LHFPL3: variants seen among roughly 807,000 people sequenced by gnomAD.
LHFPL3 encodes LHFPL tetraspan subfamily member 3 protein.
Under a neutral mutation model 19.3 loss-of-function variants are expected in LHFPL3, and 5 were observed. The observed-to-expected ratio is 0.26, with a 90% CI of 0.14 to 0.54. The LOEUF is 0.54. LHFPL3 is among the 20% of genes least tolerant of loss of function. The pLI, the probability that LHFPL3 is intolerant of heterozygous loss-of-function variation, is 0.94. For synonymous variants in LHFPL3, 133 were observed against 126.2 expected, an observed-to-expected ratio of 1.05 and a Z score of -0.36; for missense variants, 249 against 307.4, an observed-to-expected ratio of 0.81 and a Z score of 1.42.
Position 104,857,123 on chromosome 7 carries a change from T to C in LHFPL3, c.683-49064T>C, listed in dbSNP as rs148014689. 1.9e-3 allele frequency among the ~76,000 whole-genome samples: 291 copies of C among 152,328 alleles called. 1 individual carries two copies. Among genetic ancestry groups the C allele is most frequent in the Non-Finnish European group, 2.7e-3 (183 of 68,026 alleles). On this transcript the variant is annotated intron_variant, in intron 2 of 2. Transcript: ENST00000424859. Reference sequence around the variant, plus strand: ...ATTGTTCCCATTTCATAGACGTTCATTGTACACATGAGGACACCATAGCTC... The same window carrying C: ...ATTGTTCCCATTTCATAGACGTTCACTGTACACATGAGGACACCATAGCTC...
At chr7:104,804,754 A>C (rs976679120) in intron 2 of LHFPL3, among the ~76,000 whole-genome samples, 1 of 152,174 alleles carries the variant, frequency 6.6e-6, no homozygotes, top group Non-Finnish European at 1.5e-5. Context: ...TAACTACTAC[A>C]TGAAAATGGA....
chr7:104,535,826 A>G (rs896699894), intron 1 of LHFPL3, among the ~76,000 whole-genome samples: 48 of 152,354 alleles, frequency 3.2e-4, no homozygotes, highest in African/African-American at 1.1e-3. Context: ...TAGAAAGAGT[A>G]AGCTTGTGAT....
chr7:104,662,978 A>G (rs1792259935), intron 1 of LHFPL3, among the ~76,000 whole-genome samples: 3 of 152,200 alleles, frequency 2.0e-5, no homozygotes, highest in South Asian at 4.1e-4. Context: ...ACTGTGGTTT[A>G]CTTCAGACCC....
At chr7:104,743,391 G>T (rs1437332252) in intron 2 of LHFPL3, among the ~76,000 whole-genome samples, 1 of 152,104 alleles carries the variant, frequency 6.6e-6, no homozygotes, top group Non-Finnish European at 1.5e-5. Context: ...AACTATTTCT[G>T]GTCTCAACTC....
At chr7:104,519,028 C>T (rs1562923440) in intron 1 of LHFPL3, among the ~76,000 whole-genome samples, 1 of 151,802 alleles carries the variant, frequency 6.6e-6, no homozygotes, top group African/African-American at 2.4e-5. Context: ...TTAGAGCTTT[C>T]TCTTCTCTTC....
At chr7:104,754,484 CT>C (rs1794244862) in intron 2 of LHFPL3, among the ~76,000 whole-genome samples, 2 of 152,198 alleles carry the variant, frequency 1.3e-5, no homozygotes, top group Non-Finnish European at 2.9e-5. Flanking sequence ...AGCTTCACTG[CT>C]TACTAGCTGT....
At chr7:104,862,020 T>C (rs1453079972) in intron 2 of LHFPL3, among the ~76,000 whole-genome samples, 1 of 152,162 alleles carries the variant, frequency 6.6e-6, no homozygotes, top group East Asian at 1.9e-4. Flanking sequence ...GGCAGCAGGT[T>C]AGAGCTCACT....
At chr7:104,740,203 T>C (rs917426696) in intron 2 of LHFPL3, among the ~76,000 whole-genome samples, 1 of 152,192 alleles carries the variant, frequency 6.6e-6, no homozygotes, top group Non-Finnish European at 1.5e-5. Flanking sequence ...TGTGGAACTG[T>C]GAGTCAATTA....
At chr7:104,853,478 C>A (rs1348077877) in intron 2 of LHFPL3, among the ~76,000 whole-genome samples, 1 of 151,978 alleles carries the variant, frequency 6.6e-6, no homozygotes, top group East Asian at 1.9e-4. Context: ...GCACACAGCA[C>A]CTTCCAGGGA....
chr7:104,689,486 C>G (rs566586101), intron 1 of LHFPL3, among the ~76,000 whole-genome samples: 1 of 152,152 alleles, frequency 6.6e-6, no homozygotes, highest in Non-Finnish European at 1.5e-5. Context: ...AAATAGAGAA[C>G]CACAGCCCCT....
At chr7:104,488,479 T>C (rs1793278062) in intron 1 of LHFPL3, among the ~76,000 whole-genome samples, 1 of 152,194 alleles carries the variant, frequency 6.6e-6, no homozygotes, top group African/African-American at 2.4e-5. Context: ...CACTTGATTT[T>C]TGGATCCCAG....
In LHFPL3 at chr7:104,720,593, A is replaced by G. The variant is rs189123470; in HGVS notation, c.446-16082A>G. ...GCACAGCAAAAGAAACTACCATCAG[A>G]GTGAACAGTCAACCTACAGAATGGG... On this transcript the variant is annotated intron_variant, in intron 1 of 2. Coordinates refer to ENST00000424859, the MANE Select transcript of LHFPL3 (RefSeq NM_199000.3). 6.4e-3 allele frequency among the ~76,000 whole-genome samples: 970 copies of G among 152,322 alleles called. 11 individuals are homozygous for G. Among genetic ancestry groups the G allele is most frequent in the African/African-American group, 0.022 (914 of 41,572 alleles).
At chr7:104,630,802 T>TA (rs1292169649) in intron 1 of LHFPL3, among the ~76,000 whole-genome samples, 1 of 151,908 alleles carries the variant, frequency 6.6e-6, no homozygotes. Context: ...GATTAGCTAG[T>TA]AAAAAAGAGT....
chr7:104,876,512 G>C (rs1428452563), intron 2 of LHFPL3, among the ~76,000 whole-genome samples: 2 of 150,822 alleles, frequency 1.3e-5, no homozygotes, highest in African/African-American at 2.4e-5. Flanking sequence ...GCAGCCAAAA[G>C]ACACATGAAA....
intron 1 of LHFPL3, among the ~76,000 whole-genome samples, chr7:104,731,915 T>C (rs1793712568): frequency 6.6e-6 from 1 of 152,204 alleles, no homozygotes; most frequent in African/African-American, 2.4e-5. Context: ...CCTAATTTAT[T>C]GAGAGTTTTT....
At chr7:104,687,533 C>T (rs760845531) in intron 1 of LHFPL3, among the ~76,000 whole-genome samples, 2 of 152,148 alleles carry the variant, frequency 1.3e-5, no homozygotes, top group African/African-American at 4.8e-5. Flanking sequence ...CCTCCCCTAC[C>T]GTGAAGTTAT....
intron 1 of LHFPL3, among the ~76,000 whole-genome samples, chr7:104,726,173 CTG>C (rs1356043516): frequency 6.6e-6 from 1 of 151,116 alleles, no homozygotes; most frequent in Non-Finnish European, 1.5e-5. Context: ...AGATTTGAGA[CTG>C]TGATATTGAC....
intron 1 of LHFPL3, among the ~76,000 whole-genome samples, chr7:104,397,512 A>G (rs1484996885): frequency 2.6e-5 from 4 of 152,120 alleles, no homozygotes; most frequent in Admixed American, 2.6e-4. Context: ...GAAACATGTA[A>G]CTGTTGGTCA....
intron 1 of LHFPL3, among the ~76,000 whole-genome samples, chr7:104,634,834 G>T (rs1791703362): frequency 6.6e-6 from 1 of 152,106 alleles, no homozygotes; most frequent in African/African-American, 2.4e-5. Context: ...TCAATCATTG[G>T]TGTCTCACTC....
Sources: gnomAD v4.1 joint callset for allele counts (sites outside exome capture counted in the v4.1 genomes callset) on GRCh38, gnomAD v4.1.1 for gene constraint, MANE v1.5 for transcripts, NCBI Gene and HGNC (gene_info 2026-07-23, HGNC 2026-07-21) for gene names.